Variants in PJA2 observed in about 807,000 individuals in gnomAD.
PJA2 encodes E3 ubiquitin-protein ligase Praja-2.
Under a neutral mutation model 69.3 loss-of-function variants are expected in PJA2, and 25 were observed. The ratio of observed to expected loss-of-function variants is 0.36; its 90% CI spans 0.26 to 0.50. PJA2 has a LOEUF of 0.50. Among genes scored for constraint, PJA2 ranks in the 20% least tolerant of loss-of-function variants. PJA2 has a pLI of 0.96. For missense variants in PJA2, 809 were observed against 830.2 expected (o/e 0.97, Z 0.31); for synonymous variants, 308 against 277.8 (o/e 1.11, Z -1.08).
At chr5:109,379,560 A>G (rs1746991405) in intron 3 of PJA2, among the ~76,000 whole-genome samples, 1 of 152,254 alleles carries the variant, frequency 6.6e-6, no homozygotes, top group Non-Finnish European at 1.5e-5. Context: ...GAGAGGTTAT[A>G]CAATGGGAAG....
intron 1 of PJA2, among the ~76,000 whole-genome samples, chr5:109,391,524 C>A (rs1332872501): frequency 6.6e-6 from 1 of 151,258 alleles, no homozygotes; most frequent in Non-Finnish European, 1.5e-5. Flanking sequence ...AAAGATGTAC[C>A]CCTATTGTTT....
At chr5:109,370,275 A>G (rs1185454770) in intron 4 of PJA2, among the ~76,000 whole-genome samples, 1 of 152,218 alleles carries the variant, frequency 6.6e-6, no homozygotes, top group East Asian at 1.9e-4. Flanking sequence ...AAAATCAAAA[A>G]TAACAATTTT....
At chr5:109,363,599 T>C (rs1358700517) in intron 5 of PJA2, among the ~76,000 whole-genome samples, 2 of 152,230 alleles carry the variant, frequency 1.3e-5, no homozygotes, top group African/African-American at 2.4e-5. Flanking sequence ...TTGATGTTCA[T>C]GTCAGATTCA....
At chr5:109,372,740 T>C (rs1429955996) in intron 4 of PJA2, among the ~76,000 whole-genome samples, 1 of 151,400 alleles carries the variant, frequency 6.6e-6, no homozygotes, top group Non-Finnish European at 1.5e-5. Context: ...AACTGGTCTC[T>C]ACTAAAAATA....
At chr5:109,353,058 CTA>C (rs1447311844) in intron 7 of PJA2, among the ~76,000 whole-genome samples, 1 of 141,186 alleles carries the variant, frequency 7.1e-6, no homozygotes, top group Non-Finnish European at 1.5e-5. Flanking sequence ...TCATAGACAT[CTA>C]TATATTAGAT....
intron 5 of PJA2, among the ~76,000 whole-genome samples, chr5:109,364,209 G>A (rs923114751): frequency 1.3e-5 from 2 of 152,124 alleles, no homozygotes; most frequent in African/African-American, 2.4e-5. Flanking sequence ...TCGCCCGCAG[G>A]GAGGGAGGTT....
chr5:109,350,395 G>A (rs1372562078), intron 7 of PJA2, among the ~76,000 whole-genome samples: 1 of 151,996 alleles, frequency 6.6e-6, no homozygotes, highest in Non-Finnish European at 1.5e-5. Context: ...TAGAATACAT[G>A]TAGGTTTAAA....
intron 7 of PJA2, among the ~76,000 whole-genome samples, 178 bp downstream of exon 7, chr5:109,355,737 G>A (rs1762402225): frequency 6.6e-6 from 1 of 152,170 alleles, no homozygotes; most frequent in Non-Finnish European, 1.5e-5. Flanking sequence ...AGGCAAACTA[G>A]CAGGACATCA....
intron 1 of PJA2, among the ~76,000 whole-genome samples, 171 bp downstream of exon 1, chr5:109,409,671 C>G (rs2127022965): frequency 6.6e-6 from 1 of 152,244 alleles, no homozygotes; most frequent in Non-Finnish European, 1.5e-5. Flanking sequence ...CTCCCACAGC[C>G]ATCAACCCCA....
chr5:109,394,091 A>G (rs1747349625), intron 1 of PJA2, among the ~76,000 whole-genome samples: 1 of 121,550 alleles, frequency 8.2e-6, no homozygotes, highest in African/African-American at 3.1e-5. Context: ...TCTGTTGCCC[A>G]AGCTGGTGTG....
intron 7 of PJA2, among the ~76,000 whole-genome samples, chr5:109,354,079 A>AGATATCTATATCTAGAGATATCTATAGG (rs1561345704): frequency 4.7e-5 from 5 of 106,826 alleles, no homozygotes; most frequent in African/African-American, 2.3e-4. Flanking sequence ...ATATCTATAG[A>AGATATCTATATCTAGAGATATCTATAGG]TTAGATATCT....
intron 1 of PJA2, among the ~76,000 whole-genome samples, chr5:109,397,336 A>G (rs1747437217): frequency 1.3e-5 from 2 of 152,218 alleles, no homozygotes; most frequent in Non-Finnish European, 1.5e-5. Flanking sequence ...TCACTACAGT[A>G]AACAGCTATA....
At chr5:109,380,083 GTTCTTTTTTTTTTT>G (rs1561357721) in intron 3 of PJA2, among the ~76,000 whole-genome samples, 1 of 140,008 alleles carries the variant, frequency 7.1e-6, no homozygotes, top group African/African-American at 2.7e-5. Flanking sequence ...GGTACGAAGG[GTTCTTTTTTTTTTT>G]TTTTTTTTTT....
intron 1 of PJA2, among the ~76,000 whole-genome samples, chr5:109,391,559 G>A (rs1057285209): frequency 2.0e-5 from 3 of 151,428 alleles, no homozygotes; most frequent in African/African-American, 4.9e-5. Flanking sequence ...TTTCCATTAA[G>A]AAGTCCATGT....
chr5:109,383,301 G>A, intron 2 of PJA2, 102 bp downstream of exon 2: 1 of 993,612 alleles, frequency 1.0e-6, no homozygotes, highest in South Asian at 1.6e-5. Context: ...CAGCCTTTTA[G>A]TAAGACCACA....
Position 109,379,216 on chromosome 5 carries a change from T to C in PJA2, c.271A>G (p.Ser91Gly), listed in dbSNP as rs201708512. 6.2e-7 allele frequency: 1 copy of C among 1,613,326 alleles called. No homozygotes were observed. Among genetic ancestry groups the C allele is most frequent in the Admixed American group, 1.7e-5 (1 of 59,904 alleles). ...TCACTTTTTTCAAATATAGGTTCAC[T>C]GGGTAAAGAAGAATCAACTTGATCC... ...PLDQVDSSLP[S>G]EPIFEKSETE... is the part of the protein sequence containing the mutation. Residue 91 changes from serine to glycine, a missense_variant, in exon 4 of 10, where the codon AGT (serine) becomes GGT (glycine). This residue lies in a region of PJA2 where 700 missense variants were observed against 639.5 expected (regional missense o/e 1.09). Transcript: ENST00000361189.
At chr5:109,373,539 G>A (rs1177941022) in intron 4 of PJA2, among the ~76,000 whole-genome samples, 1 of 152,042 alleles carries the variant, frequency 6.6e-6, no homozygotes, top group Non-Finnish European at 1.5e-5. Flanking sequence ...AAGGAAAAAA[G>A]GGAAAAGATT....
chr5:109,353,756 T>TATCTA (rs1762329800), intron 7 of PJA2, among the ~76,000 whole-genome samples: 5 of 118,576 alleles, frequency 4.2e-5, no homozygotes, highest in African/African-American at 1.4e-4. Flanking sequence ...TAGATATCTA[T>TATCTA]GATATCTAGA....
chr5:109,371,581 AATT>A (rs1181857988), intron 4 of PJA2, among the ~76,000 whole-genome samples: 3 of 152,184 alleles, frequency 2.0e-5, no homozygotes, highest in Admixed American at 1.3e-4. Context: ...CTATATAGTC[AATT>A]ATTAATTGGT....
Sources: allele counts gnomAD v4.1 joint callset (sites outside exome capture counted in the v4.1 genomes callset), GRCh38; gene constraint gnomAD v4.1.1; regional missense constraint gnomAD v4.1.1; transcripts MANE v1.5; gene names NCBI Gene and HGNC (gene_info 2026-07-23, HGNC 2026-07-21).